S1PR5: variants seen among roughly 807,000 people sequenced by gnomAD.
S1PR5 encodes sphingosine 1-phosphate receptor 5.
For missense variants in S1PR5, 583 were observed against 571.7 expected (o/e 1.02, Z -0.20); for synonymous variants, 307 against 284.7 (o/e 1.08, Z -0.79).
intron 1 of S1PR5, 142 bp downstream of exon 1, chr19:10,517,256 C>T (rs966304751): frequency 2.3e-5 from 13 of 559,914 alleles, no homozygotes; most frequent in African/African-American, 6.1e-5. Flanking sequence ...CTTCCCCCTC[C>T]CCAGAGGCCT....
At position 10,514,433 on chromosome 19, in the gene S1PR5, G is replaced by T; in HGVS notation, c.579C>A (p.Tyr193Ter). Reference sequence around the variant, plus strand: ...CGAAGGCGAGCACGCAGAAGAGCACGTAGGCCTTGGCGTAGAGCGGCAAGA... The same window carrying T: ...CGAAGGCGAGCACGCAGAAGAGCACTTAGGCCTTGGCGTAGAGCGGCAAGA... ...STVLPLYAKA[Y>*]VLFCVLAFVG... The change falls in exon 2 of 2, where the codon TAC becomes TAA. Residue 193 changes from tyrosine to a stop codon, truncating the protein, a stop_gained. Coordinates refer to ENST00000333430, the MANE Select transcript of S1PR5 (RefSeq NM_030760.5). LOFTEE classifies it low-confidence loss of function (END_TRUNC). 1 of 1,609,862 alleles carries T rather than the reference G, an allele frequency of 6.2e-7. No homozygotes were observed. Among genetic ancestry groups the T allele is most frequent in the Non-Finnish European group, 8.5e-7 (1 of 1,178,538 alleles).
chr19:10,517,533 T>C, upstream of S1PR5: 2 of 985,258 alleles, frequency 2.0e-6, no homozygotes, highest in Non-Finnish European at 2.4e-6. Context: ...TCGCCAGCAG[T>C]TGCCCCCTCC....
In S1PR5 at chr19:10,513,806, C is replaced by A. The variant is rs569193949; in HGVS notation, c.*9G>T. Reference sequence around the variant, plus strand: ...TAAAACTTGGGAAGACAGTCGTGGGCCGAGGGTGTCAGTCTGCAGCCGGTT... The same window carrying A: ...TAAAACTTGGGAAGACAGTCGTGGGACGAGGGTGTCAGTCTGCAGCCGGTT... On this transcript the variant is annotated 3_prime_UTR_variant, in exon 2 of 2. Coordinates refer to ENST00000333430, the MANE Select transcript of S1PR5 (RefSeq NM_030760.5). The A allele has an allele frequency of 6.2e-7, 1 of 1,611,732 alleles. No individual in the cohort carries two copies. The highest frequency in any genetic ancestry group is 2.2e-5 in the East Asian group (1 of 44,784).
rs1915328481 is a variant in S1PR5 at position 10,513,307 on chromosome 19, A to G, written c.*508T>C. 4 of 315,650 alleles carry G rather than the reference A, an allele frequency of 1.3e-5. No individual in the cohort carries two copies. In the South Asian group the frequency reaches 4.0e-4, roughly 32 times the overall value. The allele number at this position is 315,650 out of a possible 1,614,324, so 19.6% of individuals were successfully genotyped here. A position where few individuals can be genotyped will look rare whatever the true frequency, so the allele number is the denominator to read the frequency against. ...TCAGAGCAAAAGCGAAGTCCTCTAT[A>G]TCACCCACAAGGTCCTTCGGGAACT... On this transcript the variant is annotated 3_prime_UTR_variant, in exon 2 of 2. Coordinates refer to ENST00000333430, the MANE Select transcript of S1PR5 (RefSeq NM_030760.5).
intron 1 of S1PR5, 105 bp downstream of exon 1, chr19:10,517,293 C>A (rs1346212682): frequency 2.4e-5 from 21 of 863,124 alleles, no homozygotes; most frequent in Non-Finnish European, 2.9e-5. Flanking sequence ...GAACTCCCTG[C>A]AAGGAGTGGT....
intron 1 of S1PR5, among the ~76,000 whole-genome samples, chr19:10,516,343 C>T (rs1452615551): frequency 5.3e-5 from 8 of 152,056 alleles, no homozygotes; most frequent in Admixed American, 2.0e-4. Context: ...CAGTGGCTTT[C>T]GCCTGTAATC....
rs1915312214 is a variant in S1PR5, at chr19:10,512,853, A to C, written c.*962T>G. The stretch of plus-strand genomic sequence containing the variant: ...CTTGATCCCAGGAGTTCCAGGCTGC[A>C]GTGAGCTATAATTGTGCCCATTGCA... On this transcript the variant is annotated 3_prime_UTR_variant, in exon 2 of 2. Transcript: ENST00000333430. 1.3e-5 allele frequency: 2 copies of C among 151,112 alleles called. No individual in the cohort carries two copies. The highest frequency in any genetic ancestry group is 4.2e-4 in the South Asian group (2 of 4,778). 9.4% of individuals were successfully genotyped at this position (151,112 alleles called of 1,614,324 possible). A position where few individuals can be genotyped will look rare whatever the true frequency, so the allele number is the denominator to read the frequency against.
intron 1 of S1PR5, among the ~76,000 whole-genome samples, chr19:10,515,843 A>G (rs1303601109): frequency 1.3e-5 from 2 of 152,058 alleles, no homozygotes; most frequent in African/African-American, 4.8e-5. Flanking sequence ...TGAGAGGATC[A>G]CTTGAGCCCG....
Position 10,514,541 on chromosome 19 carries a change from C to T in S1PR5, c.471G>A (p.Ala157=), listed in dbSNP as rs752142417. The T allele has an allele frequency of 1.9e-6, 3 of 1,583,670 alleles. No individual in the cohort carries two copies. Among genetic ancestry groups the T allele is most frequent in the African/African-American group, 1.3e-5 (1 of 74,428 alleles). Residue 157 remains alanine, a synonymous_variant, in exon 2 of 2, where the codon GCG becomes GCA. Transcript: ENST00000333430. ...CGAGGAGCAGCGACACGCCCCAGGCCGCGGCTGCCATCGCCAGCGTGCGCC... is the reference window on the plus strand; with the variant it reads ...CGAGGAGCAGCGACACGCCCCAGGCTGCGGCTGCCATCGCCAGCGTGCGCC... The part of the protein sequence containing the change: ...SRGRTLAMAA[A]AWGVSLLLGL...
chr19:10,512,800 C>G lies in S1PR5; in HGVS notation c.*1015G>C, dbSNP rs1915311493. 1 of 151,436 alleles carries G rather than the reference C, an allele frequency of 6.6e-6. No homozygotes were observed. The highest frequency in any genetic ancestry group is 6.6e-5 in the Admixed American group (1 of 15,168). 9.4% of individuals were successfully genotyped at this position (151,436 alleles called of 1,614,324 possible). A position where few individuals can be genotyped will look rare whatever the true frequency, so the allele number is the denominator to read the frequency against. Reference sequence around the variant, plus strand: ...TGGTGCATGCCTGTAGTCCCAGCTACTAGGGAGGCTGAAGCAGGAACTCCA... The same window carrying G: ...TGGTGCATGCCTGTAGTCCCAGCTAGTAGGGAGGCTGAAGCAGGAACTCCA... On this transcript the variant is annotated 3_prime_UTR_variant, in exon 2 of 2. Transcript: ENST00000333430.
rs1301582080 is a variant in S1PR5, at chr19:10,513,293, G to A, written c.*522C>T. The stretch of plus-strand genomic sequence containing the variant: ...GGCTCCCACCTCACTCAGAGCAAAA[G>A]CGAAGTCCTCTATATCACCCACAAG... On this transcript the variant is annotated 3_prime_UTR_variant, in exon 2 of 2. Transcript: ENST00000333430. 7.4e-6 allele frequency: 2 copies of A among 272,022 alleles called. No individual in the cohort carries two copies. The highest frequency in any genetic ancestry group is 1.4e-5 in the Non-Finnish European group (2 of 146,298). 16.9% of individuals were successfully genotyped at this position (272,022 alleles called of 1,614,324 possible). A position where few individuals can be genotyped will look rare whatever the true frequency, so the allele number is the denominator to read the frequency against.
chr19:10,517,842 G>A (rs1163432895), upstream of S1PR5: 1 of 319,174 alleles, frequency 3.1e-6, no homozygotes, highest in African/African-American at 2.3e-5. Flanking sequence ...TGAGCTTCCT[G>A]GGCTGCACCC....
Position 10,514,893 on chromosome 19 carries a change from G to A in S1PR5, c.119C>T (p.Ala40Val), listed in dbSNP as rs1240302289. ...YQPGAGLRAD[A>V]VVCLAVCAFI... Reference sequence around the variant, plus strand: ...GGCGCACACCGCCAGGCACACCACGGCGTCGGCGCGCAGGCCGGCACCCGG... The same window carrying A: ...GGCGCACACCGCCAGGCACACCACGACGTCGGCGCGCAGGCCGGCACCCGG... The change falls in exon 2 of 2, where the codon GCC becomes GTC. Residue 40 changes from alanine (A) to valine (V), a missense_variant. Physicochemically the swap from Ala to Val is moderately conservative, Grantham distance 64 (BLOSUM62 0). Transcript: ENST00000333430. 6.2e-7 allele frequency: 1 copy of A among 1,611,458 alleles called. No homozygotes were observed. Among genetic ancestry groups the A allele is most frequent in the East Asian group, 2.2e-5 (1 of 44,846 alleles).
In S1PR5 at chr19:10,514,572, C is replaced by G. The variant is rs1216788152; in HGVS notation, c.440G>C (p.Ser147Thr). ...TGCCATCGCCAGCGTGCGCCCCCGA[C>G]TGGAGACGGGCGCGGGCCCCCTGCG... ...MARRGPAPVS[S>T]RGRTLAMAAA... Residue 147 changes from serine to threonine, a missense_variant, in exon 2 of 2, where the codon AGT (serine) becomes ACT (threonine). Physicochemically the swap from Ser to Thr is moderately conservative, Grantham distance 58. Coordinates refer to ENST00000333430, the MANE Select transcript of S1PR5 (RefSeq NM_030760.5). The G allele has an allele frequency of 2.5e-6, 4 of 1,577,964 alleles. No individual in the cohort carries two copies. Among genetic ancestry groups the G allele is most frequent in the East Asian group, 4.7e-5 (2 of 43,004 alleles).
upstream of S1PR5, chr19:10,517,614 G>C (rs1915470090): frequency 1.0e-6 from 1 of 985,102 alleles, no homozygotes; most frequent in South Asian, 4.7e-5. Flanking sequence ...AGCGCGCCCC[G>C]GCGGCGACTG....
chr19:10,517,792 C>G (rs12463093), upstream of S1PR5: 170,191 of 736,646 alleles, frequency 0.23, 20,599 homozygotes, highest in Admixed American at 0.33. Flanking sequence ...TCCTGGGTGT[C>G]CGGGCACTGC....
chr19:10,515,612 C>CA (rs1915420505), intron 1 of S1PR5, among the ~76,000 whole-genome samples: 1 of 151,336 alleles, frequency 6.6e-6, no homozygotes, highest in Non-Finnish European at 1.5e-5. Flanking sequence ...GACTCTGTCT[C>CA]AAAACACCCC....
Position 10,513,454 on chromosome 19 carries a change from A to G in S1PR5, c.*361T>C. ...CAGCCTCAGGGCCTTTGCGCATGCC[A>G]TTCCCTCATCCTGAAATGCTTTTCT... is the stretch of plus-strand genomic sequence containing the variant. On this transcript the variant is annotated 3_prime_UTR_variant, in exon 2 of 2. Coordinates refer to ENST00000333430, the MANE Select transcript of S1PR5 (RefSeq NM_030760.5). 2 of 493,908 alleles carry G rather than the reference A, an allele frequency of 4.0e-6. No homozygotes were observed. 30.6% of individuals were successfully genotyped at this position (493,908 alleles called of 1,614,324 possible).
Position 10,514,989 on chromosome 19 carries a change from G to A in S1PR5, c.23C>T (p.Pro8Leu). The A allele has an allele frequency of 1.3e-6, 2 of 1,573,572 alleles. No homozygotes were observed. Among genetic ancestry groups the A allele is most frequent in the Non-Finnish European group, 1.7e-6 (2 of 1,164,342 alleles). The change falls in exon 2 of 2, where the codon CCG becomes CTG. Residue 8 changes from proline to leucine, a missense_variant. Transcript: ENST00000333430. MESGLLR[P>L]APVSEVIVLH... is the part of the protein sequence containing the mutation. ...GACGATGACCTCGCTCACCGGCGCC[G>A]GCCGCAGCAGCCCCGACTCCATGGG...
Sources: gnomAD v4.1 joint callset for allele counts (sites outside exome capture counted in the v4.1 genomes callset) on GRCh38, gnomAD v4.1.1 for gene constraint, MANE v1.5 for transcripts, NCBI Gene and HGNC (gene_info 2026-07-23, HGNC 2026-07-21) for gene names.